The following ALAD variants were observed in gnomAD, a reference collection of about 807,000 sequenced individuals.
ALAD encodes delta-aminolevulinic acid dehydratase.
Under a neutral mutation model 44.4 loss-of-function variants are expected in ALAD, and 20 were observed. That is an observed-to-expected ratio of 0.45 (90% CI 0.32 to 0.65). The LOEUF (loss-of-function observed/expected upper bound fraction) is 0.65, where lower values mean the gene tolerates loss of function less well. ALAD is among the 30% of genes least tolerant of loss of function. The pLI is 0.05. For missense variants in ALAD, 323 were observed against 445.7 expected, an observed-to-expected ratio of 0.72 and a Z score of 2.48; for synonymous variants, 156 against 167.9, an observed-to-expected ratio of 0.93 and a Z score of 0.55.
Position 113,392,103 on chromosome 9 carries a change from A to T in ALAD, c.164+16T>A. ...CCCTCCACCACCCGCTGGCCCCCCAACTCCACGTCTCCTACCTGGCCACTC... is the reference window on the plus strand; with the variant it reads ...CCCTCCACCACCCGCTGGCCCCCCATCTCCACGTCTCCTACCTGGCCACTC... On this transcript the variant is annotated intron_variant, in intron 3 of 11. Coordinates refer to ENST00000409155, the MANE Select transcript of ALAD (RefSeq NM_000031.6). 1 of 1,602,694 alleles carries T rather than the reference A, an allele frequency of 6.2e-7. No homozygotes were observed. The highest frequency in any genetic ancestry group is 8.5e-7 in the Non-Finnish European group (1 of 1,174,538).
rs1410332535 is a variant in ALAD, at chr9:113,394,926, G to A, written c.-75-1292C>T. Among the ~76,000 whole-genome samples, 7 of 152,060 alleles carry A rather than the reference G, an allele frequency of 4.6e-5. No homozygotes were observed. The East Asian group carries it at 1.2e-3, about 25-fold the overall frequency. ...AAAAATTAGCTGGGCGTGGTGGTGC[G>A]TGCCTGTAATCCCAGCTACTGGGGA... On this transcript the variant is annotated intron_variant, in intron 1 of 11. Coordinates refer to ENST00000409155, the MANE Select transcript of ALAD (RefSeq NM_000031.6).
Position 113,386,604 on chromosome 9 carries a change from T to C in ALAD, c.*1696A>G, listed in dbSNP as rs1024586272. On this transcript the variant is annotated 3_prime_UTR_variant, in exon 12 of 12. Coordinates refer to ENST00000409155, the MANE Select transcript of ALAD (RefSeq NM_000031.6). ...TAAAACATTGTTAGACCTATAATTT[T>C]GCTGTTGATTATTGGGAGGTGGTAT... 6.6e-6 allele frequency: 1 copy of C among 152,212 alleles called. No homozygotes were observed. Among genetic ancestry groups the C allele is most frequent in the Admixed American group, 6.5e-5 (1 of 15,284 alleles). 9.4% of individuals were successfully genotyped at this position (152,212 alleles called of 1,614,324 possible).
chr9:113,398,085 A>G (rs2119012143), intron 1 of ALAD: 1 of 152,366 alleles, frequency 6.6e-6, no homozygotes, highest in African/African-American at 2.4e-5. Context: ...CACCTGATTC[A>G]GTAGGCGTCT....
rs1827451342 is a variant in ALAD, at chr9:113,388,036, A to G, written c.*264T>C. The G allele has an allele frequency of 2.0e-6, 1 of 512,298 alleles. No individual in the cohort carries two copies. The highest frequency in any genetic ancestry group is 1.9e-5 in the African/African-American group (1 of 51,802). The allele number at this position is 512,298 out of a possible 1,614,324, so 31.7% of individuals were successfully genotyped here. ...TTCAAGCTGAAGCCACACCAGAGGA[A>G]AGAGCTGAGGGTGGCAAAGGTGGGC... On this transcript the variant is annotated 3_prime_UTR_variant, in exon 12 of 12. Transcript: ENST00000409155.
At chr9:113,388,504 G>C in intron 11 of ALAD, 143 bp from the exon 12 acceptor site, 1 of 762,928 alleles carries the variant, frequency 1.3e-6, no homozygotes, top group Non-Finnish European at 2.3e-6. Flanking sequence ...ACGGAGCCCA[G>C]CTTTGGGAAA....
chr9:113,391,665 C>T (rs1258471696), intron 3 of ALAD, 42 bp from the exon 4 acceptor site: 4 of 1,529,636 alleles, frequency 2.6e-6, no homozygotes, highest in African/African-American at 1.4e-5. Context: ...AGGCAGGTCC[C>T]AGGCAACGGT....
rs1008396153 is a variant in ALAD at position 113,387,069 on chromosome 9, T to A, written c.*1231A>T. On this transcript the variant is annotated 3_prime_UTR_variant, in exon 12 of 12. Coordinates refer to ENST00000409155, the MANE Select transcript of ALAD (RefSeq NM_000031.6). ...CAAACTACAAATTTGATTGAGTCACTCTGAAAAGGTGAATGTGGCCCTTGA... is the reference window on the plus strand; with the variant it reads ...CAAACTACAAATTTGATTGAGTCACACTGAAAAGGTGAATGTGGCCCTTGA... The A allele has an allele frequency of 6.6e-6, 1 of 152,272 alleles. No individual in the cohort carries two copies. The highest frequency in any genetic ancestry group is 1.5e-5 in the Non-Finnish European group (1 of 68,070). The allele number at this position is 152,272 out of a possible 1,614,324, so 9.4% of individuals were successfully genotyped here. A position where few individuals can be genotyped will look rare whatever the true frequency, so the allele number is the denominator to read the frequency against.
At chr9:113,391,255 T>A (rs1434250481) in intron 4 of ALAD, among the ~76,000 whole-genome samples, 1 of 151,972 alleles carries the variant, frequency 6.6e-6, no homozygotes. Context: ...CAGGCTAGAG[T>A]GCACTGGCGC....
At chr9:113,393,173 T>A (rs1827641331) in intron 2 of ALAD, 1 of 502,876 alleles carries the variant, frequency 2.0e-6, no homozygotes, top group African/African-American at 1.9e-5. Context: ...CAGAGCACCT[T>A]CTCAGCTTCT....
At chr9:113,398,963 C>T (rs1827798083) in intron 1 of ALAD, among the ~76,000 whole-genome samples, 1 of 152,298 alleles carries the variant, frequency 6.6e-6, no homozygotes, top group Non-Finnish European at 1.5e-5. Context: ...TCTCCCAAAT[C>T]AAGCGAGCTT....
intron 1 of ALAD, among the ~76,000 whole-genome samples, chr9:113,399,942 A>C (rs1412971156): frequency 6.6e-6 from 1 of 152,194 alleles, no homozygotes; most frequent in Non-Finnish European, 1.5e-5. Context: ...AAAGAGATGA[A>C]GTGTTTATTC....
intron 3 of ALAD, 115 bp downstream of exon 3, chr9:113,392,004 A>C (rs1827599157): frequency 9.5e-7 from 1 of 1,057,488 alleles, no homozygotes; most frequent in Non-Finnish European, 1.4e-6. Context: ...CTACTGAGCT[A>C]ATGTCTGTCT....
chr9:113,392,896 C>A (rs1163354615), intron 2 of ALAD, among the ~76,000 whole-genome samples: 1 of 146,284 alleles, frequency 6.8e-6, no homozygotes, highest in African/African-American at 2.6e-5. Context: ...CGGCTCACTG[C>A]AAGCTCCGCC....
At position 113,387,149 on chromosome 9, in the gene ALAD, C is replaced by T. The variant is rs1462390111; in HGVS notation, c.*1151G>A. 3 of 152,312 alleles carry T rather than the reference C, an allele frequency of 2.0e-5. No homozygotes were observed. The highest frequency in any genetic ancestry group is 4.4e-5 in the Non-Finnish European group (3 of 68,112). The allele number at this position is 152,312 out of a possible 1,614,324, so 9.4% of individuals were successfully genotyped here. A position where few individuals can be genotyped will look rare whatever the true frequency, so the allele number is the denominator to read the frequency against. ...CTCTCCACTCAGTTCAGGCCATCCT[C>T]TCAGTGCTCCAGACAAGCTAGCCTT... On this transcript the variant is annotated 3_prime_UTR_variant, in exon 12 of 12. Coordinates refer to ENST00000409155, the MANE Select transcript of ALAD (RefSeq NM_000031.6).
rs187909805 is a variant in ALAD at position 113,393,645 on chromosome 9, T to C, written c.-75-11A>G. 58 of 1,098,730 alleles carry C rather than the reference T, an allele frequency of 5.3e-5. No individual in the cohort carries two copies. The African/African-American group carries it at 7.2e-4, about 14-fold the overall frequency. 68.1% of individuals were successfully genotyped at this position (1,098,730 alleles called of 1,614,324 possible). A position where few individuals can be genotyped will look rare whatever the true frequency, so the allele number is the denominator to read the frequency against. ...GGCTGCAGGCTCTGTCTGTGGGGGGTGATGGGTGGCACATGAGACATGGTC... is the reference window on the plus strand; with the variant it reads ...GGCTGCAGGCTCTGTCTGTGGGGGGCGATGGGTGGCACATGAGACATGGTC... On this transcript the variant is annotated splice_polypyrimidine_tract_variant and intron_variant, in intron 1 of 11. Transcript: ENST00000409155.
intron 1 of ALAD, chr9:113,397,360 C>T (rs930394924): frequency 6.6e-6 from 1 of 152,158 alleles, no homozygotes; most frequent in African/African-American, 2.4e-5. Flanking sequence ...GCCCCTTTAG[C>T]TGCCTTCAGC....
In ALAD at chr9:113,388,977, C is replaced by T; in HGVS notation, c.931G>A (p.Gly311Ser). The change falls in exon 11 of 12, where the codon GGT (glycine) becomes AGT (serine). Residue 311 changes from glycine (G) to serine (S), a missense_variant and splice_region_variant. By Grantham distance (56) the Gly-to-Ser change is moderately conservative. Transcript: ENST00000409155. Reference protein sequence around the residue: ...LEAMTAFRRAGADIIITYYTP... With the variant: ...LEAMTAFRRASADIIITYYTP... ...AAACACCCCACCCTTGCCTGCCTAC[C>T]TGCTCTGCGGAAGGCAGTCATGGCC... 2 of 1,613,882 alleles carry T rather than the reference C, an allele frequency of 1.2e-6. No homozygotes were observed. Among genetic ancestry groups the T allele is most frequent in the Non-Finnish European group, 1.7e-6 (2 of 1,180,042 alleles).
At chr9:113,398,383 T>G (rs551092127) in intron 1 of ALAD, among the ~76,000 whole-genome samples, 1 of 152,298 alleles carries the variant, frequency 6.6e-6, no homozygotes, top group African/African-American at 2.4e-5. Context: ...GGCTTCTGAA[T>G]CCAAAGCTGC....
At position 113,389,831 on chromosome 9, in the gene ALAD, A is replaced by G. The variant is rs1827520666; in HGVS notation, c.571-3T>C. On this transcript the variant is annotated splice_region_variant and splice_polypyrimidine_tract_variant and intron_variant, in intron 7 of 11. Transcript: ENST00000409155. ...GCACTGTAGCTCATCACCGATACCTATGGGGAGACAATGGAGGTCTTGGCT... is the reference window on the plus strand; with the variant it reads ...GCACTGTAGCTCATCACCGATACCTGTGGGGAGACAATGGAGGTCTTGGCT... The G allele has an allele frequency of 6.2e-7, 1 of 1,614,254 alleles. No homozygotes were observed. Among genetic ancestry groups the G allele is most frequent in the Non-Finnish European group, 8.5e-7 (1 of 1,180,040 alleles).
Sources: allele counts gnomAD v4.1 joint callset (sites outside exome capture counted in the v4.1 genomes callset), GRCh38; gene constraint gnomAD v4.1.1; transcripts MANE v1.5; gene names NCBI Gene and HGNC (gene_info 2026-07-23, HGNC 2026-07-21).